The following GSK3B variants were observed in gnomAD, a reference collection of about 807,000 sequenced individuals.
GSK3B encodes glycogen synthase kinase 3 beta, also known as glycogen synthase kinase-3 beta.
Under a neutral mutation model 56.4 loss-of-function variants are expected in GSK3B, and 15 were observed. The ratio of observed to expected loss-of-function variants is 0.27; its 90% CI spans 0.18 to 0.41. The LOEUF (loss-of-function observed/expected upper bound fraction) is 0.41. GSK3B is among the 10% of genes least tolerant of loss of function. GSK3B has a pLI of 1.00. For missense variants in GSK3B, 300 were observed against 513.4 expected (o/e 0.58, Z 4.02); for synonymous variants, 181 against 188.9 (o/e 0.96, Z 0.34).
chr3:119,851,982 GATGA>G lies in GSK3B; in HGVS notation c.1097-8633_1097-8630del, dbSNP rs1166798848. 1.7e-4 allele frequency among the ~76,000 whole-genome samples: 26 copies of G among 152,264 alleles called. No individual in the cohort carries two copies. The South Asian group carries it at 1.9e-3, about 11-fold the overall frequency. ...ACTTACTTGTATATATTTCCTTGTA[GATGA>G]ATGAATAAACCACATCATAACTGCT... is the stretch of plus-strand genomic sequence containing the variant. On this transcript the variant is annotated intron_variant, in intron 9 of 10. Transcript: ENST00000264235.
Position 120,094,435 on chromosome 3 carries a change from A to G in GSK3B, c.-1001T>C, listed in dbSNP as rs334558. On this transcript the variant is annotated 5_prime_UTR_variant, in exon 1 of 11. Transcript: ENST00000264235. ...CAAGCCCGCATTCGCCCGGGTCAGG[A>G]GCTGCTCTGTGTGAGGAGCGCTGTC... 140,785 of 296,038 alleles carry G rather than the reference A, an allele frequency of 0.48. 38,380 individuals carry two copies. The highest frequency in any genetic ancestry group is 0.86 in the African/African-American group (38,596 of 45,126). 18.3% of individuals were successfully genotyped at this position (296,038 alleles called of 1,614,324 possible).
intron 7 of GSK3B, among the ~76,000 whole-genome samples, chr3:119,878,840 CTAAAGTA>C (rs1011139505): frequency 1.3e-5 from 2 of 151,906 alleles, no homozygotes; most frequent in Non-Finnish European, 2.9e-5. Flanking sequence ...AAAAGAGTAC[CTAAAGTA>C]TAATCACATT....
intron 1 of GSK3B, among the ~76,000 whole-genome samples, chr3:120,074,779 TC>T (rs1473981730): frequency 9.9e-5 from 15 of 152,082 alleles, no homozygotes; most frequent in Admixed American, 7.9e-4. Flanking sequence ...ATTAAAATCC[TC>T]CCAAAAAAGA....
chr3:120,089,276 T>C (rs1307425995), intron 1 of GSK3B, among the ~76,000 whole-genome samples: 2 of 152,228 alleles, frequency 1.3e-5, no homozygotes. Context: ...TACAGGTGCA[T>C]GCAACAAGAA....
At chr3:120,083,508 A>T (rs150527811) in intron 1 of GSK3B, among the ~76,000 whole-genome samples, 237 of 151,598 alleles carry the variant, frequency 1.6e-3, no homozygotes, top group African/African-American at 5.0e-3. Flanking sequence ...AACAGTATTT[A>T]AAAAAAAAGA....
intron 2 of GSK3B, among the ~76,000 whole-genome samples, chr3:119,965,038 CTTTTT>C (rs573903125): frequency 8.0e-6 from 1 of 125,628 alleles, no homozygotes; most frequent in African/African-American, 2.9e-5. Context: ...ATTATGTTTT[CTTTTT>C]TTTTTTTTTT....
chr3:120,018,190 A>T (rs1316268067), intron 1 of GSK3B, among the ~76,000 whole-genome samples: 1 of 152,206 alleles, frequency 6.6e-6, no homozygotes, highest in African/African-American at 2.4e-5. Flanking sequence ...ATCAGGGAGA[A>T]GGGAACTGAG....
intron 1 of GSK3B, among the ~76,000 whole-genome samples, chr3:120,080,428 C>G (rs1275928529): frequency 6.6e-6 from 1 of 151,928 alleles, no homozygotes; most frequent in African/African-American, 2.4e-5. Context: ...CAATAGAAAC[C>G]CTATTGTTTA....
chr3:119,840,662 T>A (rs1447999106), intron 10 of GSK3B, among the ~76,000 whole-genome samples: 1 of 152,234 alleles, frequency 6.6e-6, no homozygotes, highest in Non-Finnish European at 1.5e-5. Flanking sequence ...CAGCATTTCC[T>A]GAAGTATGTT....
At chr3:120,035,186 C>T (rs1018778382) in intron 1 of GSK3B, among the ~76,000 whole-genome samples, 3 of 152,026 alleles carry the variant, frequency 2.0e-5, no homozygotes, top group Admixed American at 6.5e-5. Flanking sequence ...GACACACAAA[C>T]ATACACAGAG....
Position 120,094,012 on chromosome 3 carries a change from C to T in GSK3B, c.-578G>A. 4.6e-6 allele frequency: 1 copy of T among 218,064 alleles called. No homozygotes were observed. The highest frequency in any genetic ancestry group is 9.3e-6 in the Non-Finnish European group (1 of 107,166). The allele number at this position is 218,064 out of a possible 1,614,324, so 13.5% of individuals were successfully genotyped here. ...GGCAGGGGCCCGGCGAACTAGAGGG[C>T]GGCGGAGTCGCGAGTCAGTCAGAGG... On this transcript the variant is annotated 5_prime_UTR_variant, in exon 1 of 11. Transcript: ENST00000264235.
chr3:120,053,943 C>T (rs1288585227), intron 1 of GSK3B, among the ~76,000 whole-genome samples: 3 of 152,252 alleles, frequency 2.0e-5, no homozygotes, highest in East Asian at 1.9e-4. Flanking sequence ...TATCCAGTCT[C>T]GCGTATGTCT....
intron 1 of GSK3B, among the ~76,000 whole-genome samples, chr3:120,054,895 T>C (rs1454591841): frequency 6.6e-6 from 1 of 152,232 alleles, no homozygotes; most frequent in Non-Finnish European, 1.5e-5. Context: ...ATTCCACATT[T>C]TGATAAACAC....
chr3:120,018,674 G>A lies in GSK3B; in HGVS notation c.89-16435C>T, dbSNP rs184523165. ...TAAAATAAATCCATAAAAATAACTC[G>A]GTCCAATATAACCACACATTTTGAG... On this transcript the variant is annotated intron_variant, in intron 1 of 10. Coordinates refer to ENST00000264235, the MANE Select transcript of GSK3B (RefSeq NM_001146156.2). Among the ~76,000 whole-genome samples, 236 of 151,994 alleles carry A rather than the reference G, an allele frequency of 1.6e-3. 4 individuals carry two copies. Among genetic ancestry groups the A allele is most frequent in the Non-Finnish European group, 5.3e-4 (36 of 67,960 alleles).
chr3:120,021,177 T>C (rs1576276699), intron 1 of GSK3B, among the ~76,000 whole-genome samples: 1 of 152,080 alleles, frequency 6.6e-6, no homozygotes, highest in Non-Finnish European at 1.5e-5. Flanking sequence ...CTGATGAAGA[T>C]AACTACACTA....
At chr3:120,039,480 G>C (rs1415016347) in intron 1 of GSK3B, among the ~76,000 whole-genome samples, 3 of 151,648 alleles carry the variant, frequency 2.0e-5, no homozygotes, top group Non-Finnish European at 4.4e-5. Flanking sequence ...ATGCCTCCTT[G>C]CCTCTAGTTA....
At chr3:120,029,099 A>T in intron 1 of GSK3B, 1 of 773,324 alleles carries the variant, frequency 1.3e-6, no homozygotes, top group Non-Finnish European at 2.2e-6. Flanking sequence ...TGGCAATATG[A>T]ATCACTGAAA....
chr3:120,055,416 A>C (rs1021642538), intron 1 of GSK3B, among the ~76,000 whole-genome samples: 1 of 152,164 alleles, frequency 6.6e-6, no homozygotes, highest in African/African-American at 2.4e-5. Flanking sequence ...TATCAATATC[A>C]CTTTTCATAT....
chr3:120,010,609 T>C (rs1260937911), intron 1 of GSK3B, among the ~76,000 whole-genome samples: 1 of 152,172 alleles, frequency 6.6e-6, no homozygotes, highest in Non-Finnish European at 1.5e-5. Context: ...GCTTGCAAAA[T>C]CTCACATCTA....
Sources: gnomAD v4.1 joint callset for allele counts (sites outside exome capture counted in the v4.1 genomes callset) on GRCh38, gnomAD v4.1.1 for gene constraint, MANE v1.5 for transcripts, NCBI Gene and HGNC (gene_info 2026-07-23, HGNC 2026-07-21) for gene names.